SFMBT2: variants seen among roughly 807,000 people sequenced by gnomAD.
The protein encoded by SFMBT2 is Scm like with four mbt domains 2.
Under a neutral mutation model 110.1 loss-of-function variants are expected in SFMBT2, and 38 were observed. The observed-to-expected ratio is 0.35, with a 90% confidence interval of 0.27 to 0.45. The LOEUF (loss-of-function observed/expected upper bound fraction) is 0.45. SFMBT2 is among the 20% of genes least tolerant of loss of function. SFMBT2 has a pLI of 1.00. For missense variants in SFMBT2, 1,011 were observed against 1,094.9 expected, an observed-to-expected ratio of 0.92 and a Z score of 1.08; for synonymous variants, 425 against 425.4, an observed-to-expected ratio of 1.00 and a Z score of 0.01.
chr10:7,257,674 A>G (rs1162621584), intron 7 of SFMBT2, among the ~76,000 whole-genome samples: 1 of 152,236 alleles, frequency 6.6e-6, no homozygotes, highest in Non-Finnish European at 1.5e-5. Flanking sequence ...ACTCATCTCC[A>G]CATTTACTTG....
chr10:7,409,572 G>C (rs1229210659), intron 1 of SFMBT2, among the ~76,000 whole-genome samples: 1 of 151,880 alleles, frequency 6.6e-6, no homozygotes, highest in Non-Finnish European at 1.5e-5. Context: ...CGGTGCCCTG[G>C]TCCGGGCCAG....
intron 4 of SFMBT2, among the ~76,000 whole-genome samples, chr10:7,334,718 C>T (rs1040515240): frequency 6.6e-6 from 1 of 152,176 alleles, no homozygotes; most frequent in African/African-American, 2.4e-5. Context: ...AGTGTCCCAG[C>T]GCTCTTCCTC....
rs146389247 is a variant in SFMBT2 at position 7,188,863 on chromosome 10, C to T, written c.1699-130G>A. 4.7e-4 allele frequency: 321 copies of T among 688,378 alleles called. No homozygotes were observed. In the African/African-American group the frequency reaches 4.7e-3, roughly 10 times the overall value. The allele number at this position is 688,378 out of a possible 1,614,324, so 42.6% of individuals were successfully genotyped here. On this transcript the variant is annotated intron_variant, in intron 15 of 20. Transcript: ENST00000397167. ...ACTACACCCACATGAAGTGAAGAAACGTGATTAAGTCTGATAGAACACTTG... is the reference window on the plus strand; with the variant it reads ...ACTACACCCACATGAAGTGAAGAAATGTGATTAAGTCTGATAGAACACTTG...
chr10:7,315,820 C>T (rs1389297731), intron 4 of SFMBT2, among the ~76,000 whole-genome samples: 3 of 152,208 alleles, frequency 2.0e-5, no homozygotes, highest in Admixed American at 2.0e-4. Flanking sequence ...TCCACAGGGA[C>T]AAGAACAGTC....
At position 7,342,689 on chromosome 10, in the gene SFMBT2, G is replaced by A. The variant is rs543517609; in HGVS notation, c.436+24960C>T. Among the ~76,000 whole-genome samples the A allele has an allele frequency of 4.5e-4, 68 of 151,990 alleles. No homozygotes were observed. The East Asian group carries it at 6.4e-3, about 14-fold the overall frequency. On this transcript the variant is annotated intron_variant, in intron 4 of 20. Coordinates refer to ENST00000397167, the MANE Select transcript of SFMBT2 (RefSeq NM_001387889.1). ...TGGGATTACAGGCGTGAGCCACCAC[G>A]CCCGGCCTGGAGTGAGTCTTTCAAT... is the stretch of plus-strand genomic sequence containing the variant.
At position 7,261,179 on chromosome 10, in the gene SFMBT2, G is replaced by A. The variant is rs565627025; in HGVS notation, c.871-12530C>T. Among the ~76,000 whole-genome samples, 4 of 152,284 alleles carry A rather than the reference G, an allele frequency of 2.6e-5. No homozygotes were observed. In the East Asian group the frequency reaches 5.8e-4, roughly 22 times the overall value. The stretch of plus-strand genomic sequence containing the variant: ...CACAAGGTCTGCAGCCCGTGGGTGC[G>A]AATCACTAGAAACGCTCACCAATTC... On this transcript the variant is annotated intron_variant, in intron 7 of 20. Coordinates refer to ENST00000397167, the MANE Select transcript of SFMBT2 (RefSeq NM_001387889.1).
At position 7,172,240 on chromosome 10, in the gene SFMBT2, G is replaced by C; in HGVS notation, c.2152-82C>G. 1 of 1,488,866 alleles carries C rather than the reference G, an allele frequency of 6.7e-7. No homozygotes were observed. The highest frequency in any genetic ancestry group is 8.9e-7 in the Non-Finnish European group (1 of 1,121,440). 92.2% of individuals were successfully genotyped at this position (1,488,866 alleles called of 1,614,324 possible). On this transcript the variant is annotated intron_variant, in intron 18 of 20. Coordinates refer to ENST00000397167, the MANE Select transcript of SFMBT2 (RefSeq NM_001387889.1). This position sits in a 1 kb window ranked among gnomAD's most constrained non-coding sequence, Gnocchi z 4.6. The stretch of plus-strand genomic sequence containing the variant: ...GCCCCGCGGTCAGACCCTGGGCCCA[G>C]TGCAGACCACCTAGCAAACCCTCGG...
chr10:7,303,946 C>T (rs1356343890), intron 4 of SFMBT2, among the ~76,000 whole-genome samples: 2 of 152,170 alleles, frequency 1.3e-5, no homozygotes, highest in Non-Finnish European at 2.9e-5. Flanking sequence ...TCCCTTCCTG[C>T]ATGTTACTAA....
At chr10:7,364,022 A>AG (rs1322417882) in intron 4 of SFMBT2, among the ~76,000 whole-genome samples, 1 of 152,204 alleles carries the variant, frequency 6.6e-6, no homozygotes, top group African/African-American at 2.4e-5. Flanking sequence ...TCTCTAAGAC[A>AG]GAAAAAAAAA....
chr10:7,311,282 T>TTA (rs145475385), intron 4 of SFMBT2, among the ~76,000 whole-genome samples: 3,977 of 152,306 alleles, frequency 0.026, 182 homozygotes, highest in African/African-American at 0.088. Flanking sequence ...TTAACAAGAT[T>TTA]AATCTAGAGC....
At chr10:7,393,205 A>G (rs535509300) in intron 1 of SFMBT2, among the ~76,000 whole-genome samples, 1 of 151,070 alleles carries the variant, frequency 6.6e-6, no homozygotes, top group Admixed American at 6.6e-5. Context: ...TAATGTTTGT[A>G]TTTTTCGTAG....
intron 5 of SFMBT2, 86 bp from the exon 6 acceptor site, chr10:7,284,236 TTCACACCATCATCCA>T: frequency 6.5e-7 from 1 of 1,543,968 alleles, no homozygotes; most frequent in Non-Finnish European, 8.7e-7. Flanking sequence ...ATAATATTTT[TTCACACCATCATCCA>T]AGGTACTGGC....
intron 15 of SFMBT2, among the ~76,000 whole-genome samples, chr10:7,191,210 A>G (rs1046960178): frequency 3.3e-5 from 5 of 152,164 alleles, no homozygotes; most frequent in Non-Finnish European, 5.9e-5. Context: ...AATCCTTAAG[A>G]AGAGTCTACA....
At chr10:7,256,202 C>A (rs1468588489) in intron 7 of SFMBT2, among the ~76,000 whole-genome samples, 6 of 152,144 alleles carry the variant, frequency 3.9e-5, no homozygotes, top group Non-Finnish European at 7.4e-5. Flanking sequence ...ACCCAAGCAG[C>A]CTGATTCAGT....
intron 12 of SFMBT2, chr10:7,205,587 T>C: frequency 1.0e-6 from 1 of 985,458 alleles, no homozygotes; most frequent in Non-Finnish European, 1.2e-6. Flanking sequence ...TTCCTCTGCC[T>C]CTCTGTGACT....
intron 2 of SFMBT2, among the ~76,000 whole-genome samples, chr10:7,377,662 A>G (rs1845277935): frequency 1.3e-5 from 2 of 152,154 alleles, no homozygotes; most frequent in African/African-American, 4.8e-5. Flanking sequence ...AATAGGGGTC[A>G]CACTCCTATG....
rs74117286 is a variant in SFMBT2, at chr10:7,248,684, G to A, written c.871-35C>T. The A allele has an allele frequency of 6.1e-4, 981 of 1,595,792 alleles. 3 individuals carry two copies. The African/African-American group carries it at 0.011, about 19-fold the overall frequency. On this transcript the variant is annotated intron_variant, in intron 7 of 20. Transcript: ENST00000397167. ...GAAAGATGAAAATATTGAAAGCCAC[G>A]GTATTGTAAATGACCTCAGCCACTG...
At chr10:7,323,224 C>A (rs994226009) in intron 4 of SFMBT2, among the ~76,000 whole-genome samples, 5 of 152,008 alleles carry the variant, frequency 3.3e-5, no homozygotes, top group African/African-American at 4.8e-5. Context: ...GAGGCTGAGG[C>A]GGGTTGGTCA....
chr10:7,233,092 C>T (rs549401426), intron 9 of SFMBT2, among the ~76,000 whole-genome samples: 1 of 152,174 alleles, frequency 6.6e-6, no homozygotes, highest in African/African-American at 2.4e-5. Flanking sequence ...TCCTGGGTGG[C>T]TACGAAAAAT....
Sources: gnomAD v4.1 joint callset for allele counts (sites outside exome capture counted in the v4.1 genomes callset) on GRCh38, gnomAD v4.1.1 for gene constraint, Gnocchi (gnomAD v3.1) non-coding constraint, MANE v1.5 for transcripts, NCBI Gene and HGNC (gene_info 2026-07-23, HGNC 2026-07-21) for gene names.